The following AFG1L variants were observed in gnomAD, a reference collection of about 807,000 sequenced individuals.
The protein encoded by AFG1L is AFG1 like ATPase, also known as AFG1-like ATPase.
Under a neutral mutation model 62.2 loss-of-function variants are expected in AFG1L, and 53 were observed. The observed-to-expected ratio is 0.85, with a 90% confidence interval of 0.68 to 1.07. The LOEUF is 1.07. Among genes scored for constraint, AFG1L ranks in the 50% least tolerant of loss-of-function variants. The pLI is 0.00. For synonymous variants in AFG1L, 228 were observed against 210.3 expected, an observed-to-expected ratio of 1.08 and a Z score of -0.73; for missense variants, 555 against 590.5, an observed-to-expected ratio of 0.94 and a Z score of 0.62.
At chr6:108,319,342 G>A (rs897736048) in intron 1 of AFG1L, among the ~76,000 whole-genome samples, 1 of 152,146 alleles carries the variant, frequency 6.6e-6, no homozygotes, top group African/African-American at 2.4e-5. Flanking sequence ...CCAGGCTCAA[G>A]TTATCCTCCC....
chr6:108,510,320 A>G lies in AFG1L; in HGVS notation c.1171A>G (p.Ile391Val). The G allele has an allele frequency of 3.1e-6, 5 of 1,611,752 alleles. No individual in the cohort carries two copies. Among genetic ancestry groups the G allele is most frequent in the Non-Finnish European group, 4.2e-6 (5 of 1,179,180 alleles). Residue 391 changes from isoleucine (I) to valine (V), a missense_variant, in exon 11 of 13, where the codon ATA (isoleucine) becomes GTA (valine). By Grantham distance (29) the Ile-to-Val change is conservative (BLOSUM62 3). Coordinates refer to ENST00000368977, the MANE Select transcript of AFG1L (RefSeq NM_145315.5). Reference sequence around the variant, plus strand: ...AAACAGGACTCAAGGTCGAAGATTCATAACTCTCATCGATAACTTTTATGA... The same window carrying G: ...AAACAGGACTCAAGGTCGAAGATTCGTAACTCTCATCGATAACTTTTATGA... ...LANRTQGRRFITLIDNFYDLK... is the reference protein window; with the variant it reads ...LANRTQGRRFVTLIDNFYDLK...
At chr6:108,442,192 T>C (rs1374818346) in intron 7 of AFG1L, among the ~76,000 whole-genome samples, 1 of 151,482 alleles carries the variant, frequency 6.6e-6, no homozygotes, top group African/African-American at 2.4e-5. Context: ...CCTTCTTCTT[T>C]TTTTTTTTTA....
intron 8 of AFG1L, among the ~76,000 whole-genome samples, chr6:108,453,140 A>G (rs1199355962): frequency 1.3e-5 from 2 of 152,226 alleles, no homozygotes; most frequent in African/African-American, 4.8e-5. Flanking sequence ...CACCACTTCA[A>G]CAAAACTACA....
chr6:108,515,766 A>G (rs1415330212), intron 11 of AFG1L, among the ~76,000 whole-genome samples: 1 of 152,224 alleles, frequency 6.6e-6, no homozygotes, highest in Non-Finnish European at 1.5e-5. Context: ...AGACTAATAA[A>G]GAAGAAAAGA....
intron 1 of AFG1L, among the ~76,000 whole-genome samples, chr6:108,315,294 A>T (rs982854128): frequency 6.6e-6 from 1 of 152,014 alleles, no homozygotes; most frequent in African/African-American, 2.4e-5. Context: ...TTCCATTTCT[A>T]CTTTGCCTCA....
chr6:108,400,795 TATA>T (rs1464499146), intron 6 of AFG1L, among the ~76,000 whole-genome samples: 1 of 123,346 alleles, frequency 8.1e-6, no homozygotes, highest in Non-Finnish European at 1.6e-5. Flanking sequence ...TATAAAATTA[TATA>T]ATATATAATA....
chr6:108,435,091 C>T (rs184549643), intron 7 of AFG1L, among the ~76,000 whole-genome samples: 2 of 152,254 alleles, frequency 1.3e-5, no homozygotes, highest in Admixed American at 1.3e-4. Flanking sequence ...GGATCCCCAA[C>T]CAAATAGTGA....
At chr6:108,485,884 C>A (rs563602187) in intron 10 of AFG1L, among the ~76,000 whole-genome samples, 104 of 150,752 alleles carry the variant, frequency 6.9e-4, no homozygotes, top group African/African-American at 2.4e-3. Context: ...GTTGCCCAGG[C>A]TGGTCTCGAA....
chr6:108,429,727 C>T (rs747307794), intron 7 of AFG1L, among the ~76,000 whole-genome samples: 2 of 152,124 alleles, frequency 1.3e-5, no homozygotes, highest in Admixed American at 6.5e-5. Flanking sequence ...CAGATTTGTT[C>T]TTTTTGTCTA....
At chr6:108,502,248 G>A (rs542043284) in intron 10 of AFG1L, among the ~76,000 whole-genome samples, 29 of 148,802 alleles carry the variant, frequency 1.9e-4, no homozygotes, top group African/African-American at 6.7e-4. Context: ...TCTTGTTGCC[G>A]AGGCTGGAGT....
chr6:108,380,587 C>A (rs566930835), intron 6 of AFG1L, among the ~76,000 whole-genome samples: 2 of 152,298 alleles, frequency 1.3e-5, no homozygotes, highest in South Asian at 4.1e-4. Context: ...GTGGAGGCCC[C>A]CTATCCAACT....
At chr6:108,309,222 G>A (rs1427717417) in intron 1 of AFG1L, among the ~76,000 whole-genome samples, 1 of 152,112 alleles carries the variant, frequency 6.6e-6, no homozygotes, top group Admixed American at 6.6e-5. Flanking sequence ...TTCTTTGTAT[G>A]GATATCCAGT....
intron 11 of AFG1L, among the ~76,000 whole-genome samples, chr6:108,512,288 G>A (rs893681011): frequency 2.6e-5 from 4 of 152,204 alleles, no homozygotes; most frequent in Admixed American, 2.0e-4. Flanking sequence ...GTGAAAGGCA[G>A]CAAGTGTGGC....
chr6:108,493,599 C>T (rs1385753994), intron 10 of AFG1L, among the ~76,000 whole-genome samples: 1 of 152,144 alleles, frequency 6.6e-6, no homozygotes, highest in Non-Finnish European at 1.5e-5. Flanking sequence ...AAAGGAGCAA[C>T]TTGACTTCTC....
At chr6:108,364,525 T>C (rs983702604) in intron 5 of AFG1L, among the ~76,000 whole-genome samples, 8 of 152,176 alleles carry the variant, frequency 5.3e-5, no homozygotes, top group Admixed American at 4.6e-4. Context: ...AATCATACAG[T>C]CAAATGACCA....
At chr6:108,335,681 A>T (rs1243655150) in intron 2 of AFG1L, among the ~76,000 whole-genome samples, 1 of 152,192 alleles carries the variant, frequency 6.6e-6, no homozygotes, top group Admixed American at 6.5e-5. Context: ...CTAGTAGTGG[A>T]CTGGAATAGA....
chr6:108,467,736 C>T (rs1055890295), intron 8 of AFG1L, among the ~76,000 whole-genome samples: 1 of 152,136 alleles, frequency 6.6e-6, no homozygotes, highest in Middle Eastern at 3.2e-3. Context: ...CAGAAAACTA[C>T]TGAATATAAC....
intron 5 of AFG1L, among the ~76,000 whole-genome samples, chr6:108,363,959 A>G (rs1481188856): frequency 2.0e-5 from 3 of 152,206 alleles, no homozygotes; most frequent in Non-Finnish European, 2.9e-5. Context: ...CACACATGTA[A>G]ATTAACCATT....
intron 6 of AFG1L, among the ~76,000 whole-genome samples, chr6:108,386,713 T>A (rs1780781646): frequency 6.6e-6 from 1 of 152,342 alleles, no homozygotes; most frequent in African/African-American, 2.4e-5. Flanking sequence ...TAGTGTTGTC[T>A]TATAGAGTTT....
Sources: allele counts gnomAD v4.1 joint callset (sites outside exome capture counted in the v4.1 genomes callset), GRCh38; gene constraint gnomAD v4.1.1; transcripts MANE v1.5; gene names NCBI Gene and HGNC (gene_info 2026-07-23, HGNC 2026-07-21).